Variants in CDH2 observed in about 807,000 individuals in gnomAD.
CDH2 encodes cadherin 2.
Under a neutral mutation model 92.0 loss-of-function variants are expected in CDH2, and 17 were observed. The observed-to-expected ratio is 0.18, with a 90% CI of 0.13 to 0.28. The LOEUF (loss-of-function observed/expected upper bound fraction) is 0.28. Among genes scored for constraint, CDH2 ranks in the 10% least tolerant of loss-of-function variants. The probability of loss-of-function intolerance (pLI) is 1.00; values close to 1 mark genes in which losing one functional copy is unlikely to be tolerated. For missense variants in CDH2, 862 were observed against 1,133.1 expected (o/e 0.76, Z 3.44); for synonymous variants, 419 against 415.9 (o/e 1.01, Z -0.09).
chr18:28,150,304 G>A (rs940938594), intron 1 of CDH2, among the ~76,000 whole-genome samples: 13 of 152,188 alleles, frequency 8.5e-5, no homozygotes, highest in Non-Finnish European at 1.9e-4. Flanking sequence ...AAATGGGGGC[G>A]TTCAGGGTAG....
At chr18:28,152,611 G>A (rs1206535940) in intron 1 of CDH2, among the ~76,000 whole-genome samples, 2 of 152,200 alleles carry the variant, frequency 1.3e-5, no homozygotes, top group Non-Finnish European at 2.9e-5. Flanking sequence ...CGGAGTCCAA[G>A]AAGCAAGGCA....
chr18:27,954,310 T>C (rs1251312310), intron 15 of CDH2, among the ~76,000 whole-genome samples: 1 of 152,218 alleles, frequency 6.6e-6, no homozygotes, highest in Non-Finnish European at 1.5e-5. Context: ...AGTGATTCAC[T>C]GCTCTTTTTC....
At chr18:27,947,812 T>A (rs557742014), downstream of CDH2, among the ~76,000 whole-genome samples, 1 of 152,088 alleles carries the variant, frequency 6.6e-6, no homozygotes, top group South Asian at 2.1e-4. Flanking sequence ...TGTAAGTATA[T>A]GTGATATAAG....
chr18:28,036,401 T>TTA (rs45564642), intron 2 of CDH2: 9 of 801,770 alleles, frequency 1.1e-5, no homozygotes, highest in Non-Finnish European at 1.8e-5. Context: ...TCTTCTCATT[T>TTA]TATGTTACTT....
chr18:28,148,945 T>C (rs1250975584), intron 1 of CDH2, among the ~76,000 whole-genome samples: 1 of 152,236 alleles, frequency 6.6e-6, no homozygotes, highest in Non-Finnish European at 1.5e-5. Flanking sequence ...TTAAACAGTA[T>C]TAAATATCAC....
At chr18:28,038,422 A>AGTGTGTGTGTGTGT (rs57601293) in intron 2 of CDH2, among the ~76,000 whole-genome samples, 3 of 142,272 alleles carry the variant, frequency 2.1e-5, no homozygotes, top group African/African-American at 5.2e-5. Flanking sequence ...CCTTGTCTCA[A>AGTGTGTGTGTGTGT]GTGTGTGTGT....
intron 2 of CDH2, among the ~76,000 whole-genome samples, chr18:28,121,378 C>A (rs571732903): frequency 1.7e-3 from 261 of 152,070 alleles, no homozygotes; most frequent in Non-Finnish European, 3.2e-3. Flanking sequence ...GGCCTCCCTG[C>A]AGTATTCTAA....
chr18:28,177,090 A>G lies in CDH2; in HGVS notation c.-68T>C. The G allele has an allele frequency of 8.4e-7, 1 of 1,197,470 alleles. No homozygotes were observed. Among genetic ancestry groups the G allele is most frequent in the Non-Finnish European group, 1.1e-6 (1 of 871,222 alleles). 74.2% of individuals were successfully genotyped at this position (1,197,470 alleles called of 1,614,324 possible). ...GCGGCGGCGGCGGCGGCGGAGGAGGAGGAGGCAGCGGCAGCACCAACAGCG... is the reference window on the plus strand; with the variant it reads ...GCGGCGGCGGCGGCGGCGGAGGAGGGGGAGGCAGCGGCAGCACCAACAGCG... On this transcript the variant is annotated 5_prime_UTR_variant, in exon 1 of 16. Transcript: ENST00000269141.
chr18:28,135,705 T>C (rs2015850278), intron 2 of CDH2, among the ~76,000 whole-genome samples: 1 of 152,202 alleles, frequency 6.6e-6, no homozygotes, highest in East Asian at 1.9e-4. Context: ...GAAGGAATAA[T>C]TGCATATATG....
At position 28,159,492 on chromosome 18, in the gene CDH2, G is replaced by C. The variant is rs551535855; in HGVS notation, c.61-11708C>G. ...TTCAGAATTCAAGACAGGGAGGACAGGTCCTATTTACTGGGCCCTTTCAAA... is the reference window on the plus strand; with the variant it reads ...TTCAGAATTCAAGACAGGGAGGACACGTCCTATTTACTGGGCCCTTTCAAA... On this transcript the variant is annotated intron_variant, in intron 1 of 15. Coordinates refer to ENST00000269141, the MANE Select transcript of CDH2 (RefSeq NM_001792.5). 1.5e-3 allele frequency among the ~76,000 whole-genome samples: 230 copies of C among 152,258 alleles called. 1 individual carries two copies. Among genetic ancestry groups the C allele is most frequent in the African/African-American group, 5.3e-3 (221 of 41,530 alleles).
At chr18:28,060,588 C>A (rs1163451333) in intron 2 of CDH2, among the ~76,000 whole-genome samples, 1 of 152,198 alleles carries the variant, frequency 6.6e-6, no homozygotes. Flanking sequence ...AAAACAAGCA[C>A]TTGATTCTTT....
chr18:28,109,693 G>A (rs1446197773), intron 2 of CDH2, among the ~76,000 whole-genome samples: 1 of 152,136 alleles, frequency 6.6e-6, no homozygotes, highest in African/African-American at 2.4e-5. Flanking sequence ...AATAACTGGT[G>A]TCAAAAATCT....
chr18:27,941,990 T>C (rs750454088), intron 6 of CDH2, among the ~76,000 whole-genome samples: 2 of 152,228 alleles, frequency 1.3e-5, no homozygotes, highest in Non-Finnish European at 2.9e-5. Flanking sequence ...TCTACTTCCA[T>C]AAACTTGACT....
intron 2 of CDH2, among the ~76,000 whole-genome samples, chr18:28,144,715 T>C (rs17446847): frequency 0.028 from 4,201 of 152,206 alleles, 113 homozygotes; most frequent in Admixed American, 0.091. Flanking sequence ...CAAAGGCCTA[T>C]ATAGCCATTT....
intron 2 of CDH2, among the ~76,000 whole-genome samples, chr18:28,072,191 CCT>C: frequency 6.6e-6 from 1 of 152,004 alleles, no homozygotes; most frequent in African/African-American, 2.4e-5. Flanking sequence ...GTCTCTTCTA[CCT>C]CTCTCTTGGG....
chr18:27,977,203 G>T (rs2011860854), intron 14 of CDH2, among the ~76,000 whole-genome samples: 1 of 152,152 alleles, frequency 6.6e-6, no homozygotes, highest in Non-Finnish European at 1.5e-5. Context: ...ACAGCCCTGT[G>T]TGGAGATAAC....
Position 28,010,939 on chromosome 18 carries a change from G to GTT in CDH2, c.546+905_546+906dup, listed in dbSNP as rs71378905. ...TGCTGGGATTACAGGTGCCCTGCCTGTTTTTTTTTTTTTTAAGTTAAAGCA... is the reference window on the plus strand; with the variant it reads ...TGCTGGGATTACAGGTGCCCTGCCTGTTTTTTTTTTTTTTTTAAGTTAAAGCA... On this transcript the variant is annotated intron_variant, in intron 4 of 15. Transcript: ENST00000269141. Among the ~76,000 whole-genome samples the GTT allele has an allele frequency of 2.2e-4, 31 of 139,872 alleles. 1 individual carries two copies. The highest frequency in any genetic ancestry group is 8.2e-4 in the East Asian group (4 of 4,878). The allele number at this position is 139,872 out of a possible 152,430, so 91.8% of individuals were successfully genotyped here.
intron 2 of CDH2, among the ~76,000 whole-genome samples, chr18:28,133,314 T>C (rs1470866152): frequency 3.3e-5 from 5 of 152,136 alleles, no homozygotes; most frequent in African/African-American, 9.7e-5. Flanking sequence ...CCGGGCGTGA[T>C]GGCTCATGCC....
chr18:27,986,503 T>C (rs2012238868), intron 11 of CDH2, among the ~76,000 whole-genome samples: 1 of 152,204 alleles, frequency 6.6e-6, no homozygotes, highest in African/African-American at 2.4e-5. Context: ...TAAAATGCTG[T>C]CTCCACCACT....
Sources: gnomAD v4.1 joint callset for allele counts (sites outside exome capture counted in the v4.1 genomes callset) on GRCh38, gnomAD v4.1.1 for gene constraint, MANE v1.5 for transcripts, NCBI Gene and HGNC (gene_info 2026-07-23, HGNC 2026-07-21) for gene names.